The following EXOC6B variants were observed in gnomAD, a reference collection of about 807,000 sequenced individuals.
The protein encoded by EXOC6B is SEC15 homolog B.
In EXOC6B, 54 loss-of-function variants were observed where a neutral mutation model predicts 113.5. The ratio of observed to expected loss-of-function variants is 0.48; its 90% CI spans 0.38 to 0.60. The LOEUF (loss-of-function observed/expected upper bound fraction) is 0.60, where lower values mean the gene tolerates loss of function less well. Ranked by LOEUF, EXOC6B falls within the 20% of genes least tolerant of loss-of-function variation. The probability of loss-of-function intolerance (pLI) is 0.00; values close to 1 mark genes in which losing one functional copy is unlikely to be tolerated. For missense variants in EXOC6B, 797 were observed against 977.5 expected, an observed-to-expected ratio of 0.82 and a Z score of 2.46; for synonymous variants, 357 against 339.0, an observed-to-expected ratio of 1.05 and a Z score of -0.58.
chr2:72,699,664 T>A (rs142401804), intron 6 of EXOC6B, among the ~76,000 whole-genome samples: 56 of 151,914 alleles, frequency 3.7e-4, no homozygotes, highest in Admixed American at 1.4e-3. Flanking sequence ...TATTTAGAGG[T>A]AAAGGAAAGG....
chr2:72,551,448 G>A (rs930895315), intron 8 of EXOC6B, among the ~76,000 whole-genome samples: 7 of 151,588 alleles, frequency 4.6e-5, no homozygotes, highest in East Asian at 2.0e-4. Context: ...CACCTGCCTC[G>A]GCCTCCTAAA....
At chr2:72,225,007 A>ATATATATATATATATATAT (rs1681138635) in intron 20 of EXOC6B, among the ~76,000 whole-genome samples, 3 of 114,174 alleles carry the variant, frequency 2.6e-5, no homozygotes, top group African/African-American at 8.9e-5. Flanking sequence ...TATATATATA[A>ATATATATATATATATATAT]ATACACATAC....
At chr2:72,507,286 T>C (rs933048622) in intron 11 of EXOC6B, among the ~76,000 whole-genome samples, 1 of 152,092 alleles carries the variant, frequency 6.6e-6, no homozygotes, top group Non-Finnish European at 1.5e-5. Flanking sequence ...TGTCATGAAA[T>C]ACAGTGAGCA....
At chr2:72,656,509 GAAAT>G (rs1209450719) in intron 6 of EXOC6B, among the ~76,000 whole-genome samples, 1 of 151,956 alleles carries the variant, frequency 6.6e-6, no homozygotes, top group African/African-American at 2.4e-5. Context: ...CACAAAAAAA[GAAAT>G]AAAACAGTCA....
Position 72,664,306 on chromosome 2 carries a change from T to C in EXOC6B, c.669+53797A>G, listed in dbSNP as rs552163724. ...ACACTGAGACTCAGTAGAGAGGCAA[T>C]GAAGACACTGAGGCTGAAGAGTGGG... On this transcript the variant is annotated intron_variant, in intron 6 of 21. Transcript: ENST00000272427. Among the ~76,000 whole-genome samples, 226 of 151,582 alleles carry C rather than the reference T, an allele frequency of 1.5e-3. 1 individual carries two copies. Among genetic ancestry groups the C allele is most frequent in the African/African-American group, 5.4e-3 (222 of 41,286 alleles).
At chr2:72,574,389 T>G (rs1251115970) in intron 7 of EXOC6B, among the ~76,000 whole-genome samples, 1 of 152,156 alleles carries the variant, frequency 6.6e-6, no homozygotes, top group Non-Finnish European at 1.5e-5. Flanking sequence ...AGCAGGGATT[T>G]GTGAAATCCT....
rs1354447383 is a variant in EXOC6B at position 72,513,193 on chromosome 2, T to A, written c.1106A>T (p.Tyr369Phe). ...HTTQGLVNRA[Y>F]IDELWEMALS... ...TGCCATTTCCCACAGTTCATCAATG[T>A]AGGCTCTATTTACTAAGCCCTGGGT... Residue 369 changes from tyrosine (Y) to phenylalanine (F), a missense_variant, in exon 11 of 22, where the codon TAC becomes TTC. Coordinates refer to ENST00000272427, the MANE Select transcript of EXOC6B (RefSeq NM_015189.3). The A allele has an allele frequency of 1.9e-6, 3 of 1,613,426 alleles. No homozygotes were observed. The East Asian group carries it at 6.7e-5, about 36-fold the overall frequency.
chr2:72,638,412 G>A (rs927899104), intron 6 of EXOC6B, among the ~76,000 whole-genome samples: 2 of 152,012 alleles, frequency 1.3e-5, no homozygotes, highest in African/African-American at 2.4e-5. Context: ...GCAACAAGGT[G>A]GCACAGCTCC....
chr2:72,425,568 CT>C (rs1029349858), intron 18 of EXOC6B, among the ~76,000 whole-genome samples: 1 of 152,120 alleles, frequency 6.6e-6, no homozygotes, highest in African/African-American at 2.4e-5. Flanking sequence ...CCTCCAACCC[CT>C]CTCCCCAAAT....
At chr2:72,631,258 C>T (rs1672374553) in intron 6 of EXOC6B, among the ~76,000 whole-genome samples, 2 of 150,796 alleles carry the variant, frequency 1.3e-5, no homozygotes. Context: ...ATATATACAT[C>T]ACTGTTTATA....
chr2:72,470,024 C>T (rs920224141), intron 17 of EXOC6B, among the ~76,000 whole-genome samples: 10 of 151,924 alleles, frequency 6.6e-5, no homozygotes, highest in African/African-American at 2.2e-4. Context: ...TTTGTATGTA[C>T]TTTTAGATTT....
intron 19 of EXOC6B, among the ~76,000 whole-genome samples, chr2:72,379,516 T>C (rs1691554880): frequency 6.6e-6 from 1 of 152,202 alleles, no homozygotes; most frequent in Non-Finnish European, 1.5e-5. Context: ...GCTAGAGATC[T>C]TCTGTTTTAA....
intron 19 of EXOC6B, among the ~76,000 whole-genome samples, chr2:72,370,998 T>TA (rs1690975896): frequency 6.7e-6 from 1 of 150,008 alleles, no homozygotes; most frequent in East Asian, 2.0e-4. Flanking sequence ...TAAAGTATAA[T>TA]AAAAATATAT....
intron 1 of EXOC6B, among the ~76,000 whole-genome samples, chr2:72,754,279 C>T (rs1303773179): frequency 2.0e-5 from 3 of 152,174 alleles, no homozygotes; most frequent in African/African-American, 7.2e-5. Flanking sequence ...AGCTTGCATA[C>T]TCTGGAGGAA....
At chr2:72,814,811 G>GA (rs1686130369) in intron 1 of EXOC6B, among the ~76,000 whole-genome samples, 1 of 151,884 alleles carries the variant, frequency 6.6e-6, no homozygotes, top group African/African-American at 2.4e-5. Context: ...CTAACACGGT[G>GA]AAACCCCATC....
intron 18 of EXOC6B, among the ~76,000 whole-genome samples, chr2:72,385,023 AT>A (rs1289741764): frequency 6.6e-6 from 1 of 152,160 alleles, no homozygotes; most frequent in Non-Finnish European, 1.5e-5. Flanking sequence ...TAAAGTTCGT[AT>A]GGAACCACAA....
At chr2:72,220,584 T>C (rs1025724419) in intron 20 of EXOC6B, among the ~76,000 whole-genome samples, 6 of 152,376 alleles carry the variant, frequency 3.9e-5, no homozygotes, top group South Asian at 4.1e-4. Context: ...CTTCAGGCTA[T>C]ATATTTCATC....
Position 72,563,319 on chromosome 2 carries a change from G to A in EXOC6B, c.847-3798C>T, listed in dbSNP as rs543159945. On this transcript the variant is annotated intron_variant, in intron 7 of 21. Coordinates refer to ENST00000272427, the MANE Select transcript of EXOC6B (RefSeq NM_015189.3). ...TCTAATGGATCCTACTGGCATCCACGTTTGGTATCCACTAGATACCAATAC... is the reference window on the plus strand; with the variant it reads ...TCTAATGGATCCTACTGGCATCCACATTTGGTATCCACTAGATACCAATAC... 3.6e-4 allele frequency among the ~76,000 whole-genome samples: 54 copies of A among 152,094 alleles called. 1 individual carries two copies. The highest frequency in any genetic ancestry group is 1.5e-3 in the East Asian group (8 of 5,180).
At chr2:72,197,983 G>A (rs55994075) in intron 20 of EXOC6B, among the ~76,000 whole-genome samples, 4 of 152,094 alleles carry the variant, frequency 2.6e-5, no homozygotes, top group African/African-American at 9.7e-5. Flanking sequence ...ACAGGACAGA[G>A]CAAAGAGGAG....
Sources: gnomAD v4.1 joint callset for allele counts (sites outside exome capture counted in the v4.1 genomes callset) on GRCh38, gnomAD v4.1.1 for gene constraint, MANE v1.5 for transcripts, NCBI Gene and HGNC (gene_info 2026-07-23, HGNC 2026-07-21) for gene names.